The following GPC5 variants were observed in gnomAD, a reference collection of about 807,000 sequenced individuals.
GPC5 encodes the protein glypican 5.
A neutral mutation model predicts 53.9 loss-of-function variants in GPC5; 47 were observed. The observed-to-expected ratio is 0.87, with a 90% CI of 0.69 to 1.11. The LOEUF (loss-of-function observed/expected upper bound fraction) is 1.11, where lower values mean the gene tolerates loss of function less well. Among genes scored for constraint, GPC5 ranks in the 50% most tolerant of loss-of-function variants. The probability of loss-of-function intolerance (pLI) is 0.00; values close to 1 mark genes in which losing one functional copy is unlikely to be tolerated. For missense variants in GPC5, 748 were observed against 713.1 expected (o/e 1.05, Z -0.56); for synonymous variants, 286 against 263.3 (o/e 1.09, Z -0.84).
rs201059609 is a variant in GPC5, at chr13:91,793,322, C to T, written c.1280+36902C>T. ...AAAAACCGCCCCCATGATTCAGTTACTGCCCATTCCGGGTCCCTCCCATGA... is the reference window on the plus strand; with the variant it reads ...AAAAACCGCCCCCATGATTCAGTTATTGCCCATTCCGGGTCCCTCCCATGA... On this transcript the variant is annotated intron_variant, in intron 5 of 7. Transcript: ENST00000377067. Among the ~76,000 whole-genome samples, 16 of 152,252 alleles carry T rather than the reference C, an allele frequency of 1.1e-4. No individual in the cohort carries two copies. In the East Asian group the frequency reaches 2.5e-3, roughly 24 times the overall value.
chr13:92,370,591 T>A (rs183723803), intron 7 of GPC5, among the ~76,000 whole-genome samples: 7 of 152,080 alleles, frequency 4.6e-5, no homozygotes, highest in Admixed American at 3.3e-4. Context: ...AAAAAATATA[T>A]GAAAAATTAA....
chr13:91,574,545 A>G (rs1594277974), intron 2 of GPC5, among the ~76,000 whole-genome samples: 1 of 152,084 alleles, frequency 6.6e-6, no homozygotes, highest in Non-Finnish European at 1.5e-5. Flanking sequence ...AAAAATATGA[A>G]TTAATATGCA....
intron 6 of GPC5, among the ~76,000 whole-genome samples, chr13:92,098,173 T>C (rs924238688): frequency 3.9e-5 from 6 of 152,154 alleles, no homozygotes; most frequent in African/African-American, 9.7e-5. Context: ...CTCCACCCTC[T>C]TGTAGGCTCC....
chr13:92,680,450 T>C (rs1887077825), intron 7 of GPC5, among the ~76,000 whole-genome samples: 1 of 152,192 alleles, frequency 6.6e-6, no homozygotes, highest in South Asian at 2.1e-4. Context: ...TTTTTATTTA[T>C]AATCTTTCTC....
intron 7 of GPC5, among the ~76,000 whole-genome samples, chr13:92,154,540 A>T (rs1273706363): frequency 2.6e-5 from 4 of 152,168 alleles, no homozygotes; most frequent in Admixed American, 6.5e-5. Context: ...ATTCTTTTAT[A>T]TACATTTAAA....
chr13:92,580,496 C>T (rs1883337727), intron 7 of GPC5, among the ~76,000 whole-genome samples: 1 of 152,040 alleles, frequency 6.6e-6, no homozygotes, highest in African/African-American at 2.4e-5. Context: ...GCCTTTCTTG[C>T]ACTGCTATAA....
chr13:91,993,192 T>C (rs1416757670), intron 6 of GPC5, among the ~76,000 whole-genome samples: 1 of 152,224 alleles, frequency 6.6e-6, no homozygotes, highest in Non-Finnish European at 1.5e-5. Flanking sequence ...AACACAGCTC[T>C]GTTGGATGCC....
At chr13:91,692,601 A>C (rs1331900315) in intron 2 of GPC5, among the ~76,000 whole-genome samples, 1 of 152,212 alleles carries the variant, frequency 6.6e-6, no homozygotes, top group Admixed American at 6.5e-5. Flanking sequence ...ATGACTATAG[A>C]ATAAAGTAAG....
At chr13:92,808,323 G>A (rs1319629006) in intron 7 of GPC5, among the ~76,000 whole-genome samples, 1 of 152,028 alleles carries the variant, frequency 6.6e-6, no homozygotes, top group African/African-American at 2.4e-5. Flanking sequence ...TAGCACAACA[G>A]CTTCTTAGTT....
intron 7 of GPC5, among the ~76,000 whole-genome samples, chr13:92,386,970 C>G (rs898513210): frequency 2.6e-5 from 4 of 152,030 alleles, no homozygotes; most frequent in South Asian, 2.1e-4. Context: ...GTTTACTCAC[C>G]TCTGAAGAAG....
At chr13:91,829,411 G>T (rs1319575304) in intron 5 of GPC5, among the ~76,000 whole-genome samples, 3 of 151,934 alleles carry the variant, frequency 2.0e-5, no homozygotes, top group Non-Finnish European at 4.4e-5. Context: ...AAACTATGGA[G>T]GACATAATGA....
intron 2 of GPC5, among the ~76,000 whole-genome samples, chr13:91,529,199 CTT>C (rs1420099859): frequency 6.6e-6 from 1 of 152,120 alleles, no homozygotes; most frequent in East Asian, 1.9e-4. Flanking sequence ...TATTTGCACA[CTT>C]TTTTATTTTA....
intron 6 of GPC5, among the ~76,000 whole-genome samples, chr13:91,942,050 T>G (rs2039932275): frequency 6.6e-6 from 1 of 152,118 alleles, no homozygotes; most frequent in African/African-American, 2.4e-5. Flanking sequence ...AATTAATTTT[T>G]TTGGTGATAA....
intron 7 of GPC5, among the ~76,000 whole-genome samples, chr13:92,564,791 C>T (rs1882812989): frequency 1.3e-5 from 2 of 151,982 alleles, no homozygotes; most frequent in Admixed American, 6.6e-5. Flanking sequence ...TTTTCTGTTC[C>T]TGCATTAATT....
At chr13:91,476,158 G>A (rs957055180) in intron 2 of GPC5, among the ~76,000 whole-genome samples, 4 of 152,182 alleles carry the variant, frequency 2.6e-5, no homozygotes, top group African/African-American at 9.7e-5. Context: ...ATGCTTCGCA[G>A]CATCTTGACA....
At chr13:92,186,724 A>G (rs1449049747) in intron 7 of GPC5, among the ~76,000 whole-genome samples, 1 of 152,200 alleles carries the variant, frequency 6.6e-6, no homozygotes, top group Non-Finnish European at 1.5e-5. Context: ...TTTGGCTTCA[A>G]TCCACTCATG....
In GPC5 at chr13:91,528,219, A is replaced by C. The variant is rs1392146925; in HGVS notation, c.325+79297A>C. On this transcript the variant is annotated intron_variant, in intron 2 of 7. Coordinates refer to ENST00000377067, the MANE Select transcript of GPC5 (RefSeq NM_004466.6). ...CCTTTTAAACATAAGTTACAATTTCAATCATTTCTTTGTGAATGCATATGA... is the reference window on the plus strand; with the variant it reads ...CCTTTTAAACATAAGTTACAATTTCCATCATTTCTTTGTGAATGCATATGA... Among the ~76,000 whole-genome samples, 6 of 152,300 alleles carry C rather than the reference A, an allele frequency of 3.9e-5. No individual in the cohort carries two copies. The East Asian group carries it at 9.7e-4, about 25-fold the overall frequency.
At chr13:92,189,464 C>G (rs959719110) in intron 7 of GPC5, among the ~76,000 whole-genome samples, 11 of 152,108 alleles carry the variant, frequency 7.2e-5, no homozygotes, top group South Asian at 6.2e-4. Flanking sequence ...TTCAGGCTCA[C>G]TAAAAGACTG....
intron 7 of GPC5, among the ~76,000 whole-genome samples, chr13:92,450,530 T>G (rs1332288592): frequency 6.6e-6 from 1 of 152,180 alleles, no homozygotes; most frequent in Non-Finnish European, 1.5e-5. Flanking sequence ...ATTTTAGAGT[T>G]CAGGTTTTTG....
Sources: gnomAD v4.1 joint callset for allele counts (sites outside exome capture counted in the v4.1 genomes callset) on GRCh38, gnomAD v4.1.1 for gene constraint, MANE v1.5 for transcripts, NCBI Gene and HGNC (gene_info 2026-07-23, HGNC 2026-07-21) for gene names.